The following ZC3H14 variants were observed in gnomAD, a reference collection of about 807,000 sequenced individuals.
ZC3H14 encodes the protein zinc finger CCCH-type containing 14.
ZC3H14 carries 31 observed loss-of-function variants against 92.4 expected under a neutral mutation model. The observed-to-expected ratio is 0.34, with a 90% CI of 0.25 to 0.45. ZC3H14 has a LOEUF of 0.45. Among genes scored for constraint, ZC3H14 ranks in the 20% least tolerant of loss-of-function variants. ZC3H14 has a pLI of 1.00. For synonymous variants in ZC3H14, 321 were observed against 300.9 expected (o/e 1.07, Z -0.69); for missense variants, 781 against 897.3 (o/e 0.87, Z 1.66).
At position 88,621,827 on chromosome 14, in the gene ZC3H14, G is replaced by A. The variant is rs2089010682; in HGVS notation, c.*10076G>A. 2.2e-6 allele frequency: 1 copy of A among 455,358 alleles called. No individual in the cohort carries two copies. The highest frequency in any genetic ancestry group is 4.4e-6 in the Non-Finnish European group (1 of 226,446). The allele number at this position is 455,358 out of a possible 1,614,324, so 28.2% of individuals were successfully genotyped here. ...ATTATACATATCTATAGGGCATAGGGTAATACGCATAACCATCACCTCAGA... is the reference window on the plus strand; with the variant it reads ...ATTATACATATCTATAGGGCATAGGATAATACGCATAACCATCACCTCAGA... On this transcript the variant is annotated 3_prime_UTR_variant, in exon 17 of 17. Coordinates refer to ENST00000251038, the MANE Select transcript of ZC3H14 (RefSeq NM_024824.5).
chr14:88,614,591 C>T lies in ZC3H14; in HGVS notation c.*2840C>T, dbSNP rs567553599. 5 of 152,160 alleles carry T rather than the reference C, an allele frequency of 3.3e-5. No individual in the cohort carries two copies. The highest frequency in any genetic ancestry group is 5.9e-5 in the Non-Finnish European group (4 of 68,024). The allele number at this position is 152,160 out of a possible 1,614,324, so 9.4% of individuals were successfully genotyped here. ...AAAACTCATAGGGTCAATACAGCAT[C>T]TTAAACCTCACACTTAGAAAAATAT... On this transcript the variant is annotated 3_prime_UTR_variant, in exon 17 of 17. Transcript: ENST00000251038.
intron 9 of ZC3H14, among the ~76,000 whole-genome samples, chr14:88,582,647 T>G (rs1179788512): frequency 6.6e-6 from 1 of 152,202 alleles, no homozygotes. Flanking sequence ...AAGGGTGTTT[T>G]GCCTTACAAA....
In ZC3H14 at chr14:88,625,144, G is replaced by A. The variant is rs1441419084; in HGVS notation, c.*13393G>A. On this transcript the variant is annotated 3_prime_UTR_variant, in exon 17 of 17. Coordinates refer to ENST00000251038, the MANE Select transcript of ZC3H14 (RefSeq NM_024824.5). ...CAAGTTATTCTGAAAAGGAGTGGGG[G>A]AGGGGGAGACAAACTCATCAAAAGT... is the stretch of plus-strand genomic sequence containing the variant. The A allele has an allele frequency of 3.1e-6, 5 of 1,612,538 alleles. No homozygotes were observed. The highest frequency in any genetic ancestry group is 1.7e-4 in the Middle Eastern group (1 of 6,014).
chr14:88,581,965 C>T (rs746457938), intron 9 of ZC3H14, among the ~76,000 whole-genome samples: 23 of 152,098 alleles, frequency 1.5e-4, no homozygotes, highest in Non-Finnish European at 2.1e-4. Flanking sequence ...CTGGGTAACC[C>T]CATAGGACAG....
At position 88,612,812 on chromosome 14, in the gene ZC3H14, T is replaced by C. The variant is rs1300818770; in HGVS notation, c.*1061T>C. The C allele has an allele frequency of 6.6e-6, 1 of 152,544 alleles. No individual in the cohort carries two copies. Among genetic ancestry groups the C allele is most frequent in the Non-Finnish European group, 1.5e-5 (1 of 68,016 alleles). 9.4% of individuals were successfully genotyped at this position (152,544 alleles called of 1,614,324 possible). On this transcript the variant is annotated 3_prime_UTR_variant, in exon 17 of 17. Coordinates refer to ENST00000251038, the MANE Select transcript of ZC3H14 (RefSeq NM_024824.5). Reference sequence around the variant, plus strand: ...TTTTTTTGTGTGTGGTTTTTAAAACTGTTAAGGCAAGAAGTGTCAAATGCT... The same window carrying C: ...TTTTTTTGTGTGTGGTTTTTAAAACCGTTAAGGCAAGAAGTGTCAAATGCT...
At chr14:88,589,038 A>C (rs1162434260) in intron 9 of ZC3H14, among the ~76,000 whole-genome samples, 1 of 152,082 alleles carries the variant, frequency 6.6e-6, no homozygotes, top group Non-Finnish European at 1.5e-5. Context: ...TCTTCTAATT[A>C]ATGGAGTCAG....
intron 9 of ZC3H14, among the ~76,000 whole-genome samples, chr14:88,585,781 A>G (rs1285141972): frequency 6.6e-6 from 1 of 152,200 alleles, no homozygotes; most frequent in African/African-American, 2.4e-5. Context: ...CCCACTCTCA[A>G]ACAGTAAAAG....
chr14:88,616,950 T>C lies in ZC3H14; in HGVS notation c.*5199T>C. ...AGGTTGACTATATTCAAAAAGTTTC[T>C]TGGCAATTAATCTCTAAGTACCCTA... is the stretch of plus-strand genomic sequence containing the variant. On this transcript the variant is annotated 3_prime_UTR_variant, in exon 17 of 17. Coordinates refer to ENST00000251038, the MANE Select transcript of ZC3H14 (RefSeq NM_024824.5). 3.4e-6 allele frequency: 5 copies of C among 1,487,438 alleles called. No homozygotes were observed. Among genetic ancestry groups the C allele is most frequent in the Non-Finnish European group, 4.6e-6 (5 of 1,085,432 alleles). 92.1% of individuals were successfully genotyped at this position (1,487,438 alleles called of 1,614,324 possible).
chr14:88,618,000 T>C lies in ZC3H14; in HGVS notation c.*6249T>C, dbSNP rs1458661431. On this transcript the variant is annotated 3_prime_UTR_variant, in exon 17 of 17. Transcript: ENST00000251038. ...ATCAGGGTATCTTTAAAGTTAAAAC[T>C]TTGATTTCCTTAAAAAAAAAACTTG... 39 of 228,862 alleles carry C rather than the reference T, an allele frequency of 1.7e-4. No homozygotes were observed. The South Asian group carries it at 2.7e-3, about 16-fold the overall frequency. 14.2% of individuals were successfully genotyped at this position (228,862 alleles called of 1,614,324 possible).
intron 15 of ZC3H14, 63 bp downstream of exon 15, chr14:88,609,866 C>A (rs1006725263): frequency 3.2e-6 from 5 of 1,548,938 alleles, no homozygotes; most frequent in Non-Finnish European, 3.6e-6. Context: ...CATTTAACTT[C>A]TTTTTTGTCA....
intron 10 of ZC3H14, among the ~76,000 whole-genome samples, chr14:88,598,344 C>T (rs992569268): frequency 2.0e-5 from 3 of 152,154 alleles, no homozygotes; most frequent in Non-Finnish European, 2.9e-5. Context: ...TGGTCAGCTT[C>T]TCCAAAACAA....
intron 9 of ZC3H14, among the ~76,000 whole-genome samples, chr14:88,581,685 G>A (rs995875910): frequency 2.6e-5 from 4 of 152,208 alleles, no homozygotes; most frequent in Non-Finnish European, 5.9e-5. Flanking sequence ...CAAAGAAGCT[G>A]TCAATGAATG....
intron 8 of ZC3H14, among the ~76,000 whole-genome samples, chr14:88,576,893 C>T (rs1388387231): frequency 2.0e-5 from 3 of 152,072 alleles, no homozygotes; most frequent in East Asian, 1.9e-4. Context: ...TGGGTCCAAG[C>T]GATTCTCCTG....
Position 88,618,271 on chromosome 14 carries a change from C to T in ZC3H14, c.*6520C>T. 1.2e-6 allele frequency: 2 copies of T among 1,613,768 alleles called. No homozygotes were observed. Among genetic ancestry groups the T allele is most frequent in the East Asian group, 2.2e-5 (1 of 44,862 alleles). On this transcript the variant is annotated 3_prime_UTR_variant, in exon 17 of 17. Transcript: ENST00000251038. ...GTAATTCTGTCAATAGCGGCATGAT[C>T]CATAAGATGTTTTCCTGAAGGCACT...
rs1372217110 is a variant in ZC3H14 at position 88,614,922 on chromosome 14, A to G, written c.*3171A>G. On this transcript the variant is annotated 3_prime_UTR_variant, in exon 17 of 17. Coordinates refer to ENST00000251038, the MANE Select transcript of ZC3H14 (RefSeq NM_024824.5). Reference sequence around the variant, plus strand: ...GAGTGATTAAATTGTATAATGTTGTATATGTGAATTTAACACTTTTGTTTA... The same window carrying G: ...GAGTGATTAAATTGTATAATGTTGTGTATGTGAATTTAACACTTTTGTTTA... 3 of 152,220 alleles carry G rather than the reference A, an allele frequency of 2.0e-5. No individual in the cohort carries two copies. The highest frequency in any genetic ancestry group is 7.2e-5 in the African/African-American group (3 of 41,458). The allele number at this position is 152,220 out of a possible 1,614,324, so 9.4% of individuals were successfully genotyped here. A position where few individuals can be genotyped will look rare whatever the true frequency, so the allele number is the denominator to read the frequency against.
chr14:88,569,040 A>C (rs2080062579), intron 3 of ZC3H14, among the ~76,000 whole-genome samples: 1 of 151,672 alleles, frequency 6.6e-6, no homozygotes, highest in African/African-American at 2.4e-5. Context: ...CTAATTTTTA[A>C]ATTTTTTGTT....
intron 1 of ZC3H14, chr14:88,563,409 G>C (rs2079122577): frequency 1.4e-6 from 2 of 1,430,372 alleles, no homozygotes; most frequent in African/African-American, 1.5e-5. Context: ...GGCCCGGCTG[G>C]AGCCACCACC....
chr14:88,567,914 A>G, intron 2 of ZC3H14, 125 bp from the exon 3 acceptor site: 1 of 775,882 alleles, frequency 1.3e-6, no homozygotes, highest in Non-Finnish European at 2.2e-6. Context: ...CATCTTGTCC[A>G]ATGTAATTCC....
chr14:88,618,377 G>A lies in ZC3H14; in HGVS notation c.*6626G>A. 3 of 1,535,274 alleles carry A rather than the reference G, an allele frequency of 2.0e-6. No homozygotes were observed. Among genetic ancestry groups the A allele is most frequent in the South Asian group, 1.1e-5 (1 of 88,746 alleles). The stretch of plus-strand genomic sequence containing the variant: ...GGGACAAGAATTCCATTAGGTGAGA[G>A]ACAAAATCCACAGGGGGTTTACAGA... On this transcript the variant is annotated 3_prime_UTR_variant, in exon 17 of 17. Transcript: ENST00000251038.
Sources: gnomAD v4.1 joint callset for allele counts (sites outside exome capture counted in the v4.1 genomes callset) on GRCh38, gnomAD v4.1.1 for gene constraint, MANE v1.5 for transcripts, NCBI Gene and HGNC (gene_info 2026-07-23, HGNC 2026-07-21) for gene names.